The following SULT1B1 variants were observed in gnomAD, a reference collection of about 807,000 sequenced individuals.
The protein encoded by SULT1B1 is sulfotransferase family 1B member 1.
Under a neutral mutation model 34.6 loss-of-function variants are expected in SULT1B1, and 28 were observed. The ratio of observed to expected loss-of-function variants is 0.81; its 90% CI spans 0.60 to 1.11. The LOEUF is 1.11. SULT1B1 is among the 50% of genes least tolerant of loss of function. SULT1B1 has a pLI of 0.00. For missense variants in SULT1B1, 374 were observed against 352.2 expected (o/e 1.06, Z -0.50); for synonymous variants, 147 against 110.2 (o/e 1.33, Z -2.09).
At chr4:69,754,890 T>G (rs1719129488) in intron 2 of SULT1B1, 92 bp from the exon 3 acceptor site, 1 of 1,433,768 alleles carries the variant, frequency 7.0e-7, no homozygotes, top group South Asian at 1.3e-5. Flanking sequence ...CTTAACACAT[T>G]CTATTACAAA....
At chr4:69,745,762 T>C (rs1718725160) in intron 4 of SULT1B1, among the ~76,000 whole-genome samples, 1 of 152,200 alleles carries the variant, frequency 6.6e-6, no homozygotes, top group Admixed American at 6.5e-5. Flanking sequence ...TGCTGTCAGA[T>C]GGTTATTATG....
chr4:69,738,637 C>G (rs751152303), intron 4 of SULT1B1, among the ~76,000 whole-genome samples: 1 of 152,090 alleles, frequency 6.6e-6, no homozygotes, highest in Non-Finnish European at 1.5e-5. Context: ...CAGAGCTAAG[C>G]CATATCATTC....
chr4:69,740,418 T>C (rs1718499338), intron 4 of SULT1B1, among the ~76,000 whole-genome samples: 1 of 152,198 alleles, frequency 6.6e-6, no homozygotes, highest in Admixed American at 6.5e-5. Flanking sequence ...CAGGTACTTA[T>C]AAAACTATCA....
Position 69,723,866 on chromosome 4 carries a change from A to G in SULT1B1, c.*3222T>C, listed in dbSNP as rs1717726280. 6.6e-6 allele frequency: 1 copy of G among 152,270 alleles called. No individual in the cohort carries two copies. The highest frequency in any genetic ancestry group is 2.4e-5 in the African/African-American group (1 of 41,568). 9.4% of individuals were successfully genotyped at this position (152,270 alleles called of 1,614,324 possible). On this transcript the variant is annotated 3_prime_UTR_variant, in exon 8 of 8. Transcript: ENST00000310613. ...CTCTCAATAAATTAGGTATTGATGG[A>G]ATGTATCTCAAAATAAGGAGAGCCC...
At chr4:69,730,279 T>C (rs566865018) in intron 7 of SULT1B1, among the ~76,000 whole-genome samples, 9 of 152,238 alleles carry the variant, frequency 5.9e-5, no homozygotes, top group Non-Finnish European at 1.3e-4. Context: ...CAGTAGTAAA[T>C]AGAAGAATAA....
At chr4:69,748,185 A>C (rs560230409) in intron 4 of SULT1B1, among the ~76,000 whole-genome samples, 1 of 152,320 alleles carries the variant, frequency 6.6e-6, no homozygotes, top group South Asian at 2.1e-4. Context: ...AAAGGGTAGC[A>C]AAAAATATAT....
chr4:69,742,134 T>C (rs1358429894), intron 4 of SULT1B1, among the ~76,000 whole-genome samples: 3 of 152,210 alleles, frequency 2.0e-5, no homozygotes, highest in Non-Finnish European at 4.4e-5. Context: ...AATGATTTTG[T>C]GGTTTTTGTT....
At chr4:69,755,040 G>A (rs774541205) in intron 2 of SULT1B1, 30 bp downstream of exon 2, 2 of 1,572,204 alleles carry the variant, frequency 1.3e-6, no homozygotes, top group Non-Finnish European at 1.7e-6. Context: ...AATGAGGTCG[G>A]ACTTGAATTT....
In SULT1B1 at chr4:69,733,492, C is replaced by G; in HGVS notation, c.518G>C (p.Trp173Ser). 2.5e-6 allele frequency: 4 copies of G among 1,604,646 alleles called. No individual in the cohort carries two copies. Among genetic ancestry groups the G allele is most frequent in the Non-Finnish European group, 2.5e-6 (3 of 1,176,500 alleles). The part of the protein sequence containing the change: ...FLTGKVAYGS[W>S]FTHVKNWWKK... The stretch of plus-strand genomic sequence containing the variant: ...CCACCAGTTTTTAACATGAGTAAAC[C>G]AGGAACCATAGGCCACTAAAACCAG... The change falls in exon 6 of 8, where the codon TGG becomes TCG. Residue 173 changes from tryptophan (W) to serine (S), a missense_variant. Physicochemically the swap from Trp to Ser is radical, Grantham distance 177 (BLOSUM62 -3). Coordinates refer to ENST00000310613, the MANE Select transcript of SULT1B1 (RefSeq NM_014465.4).
chr4:69,753,705 T>C (rs1309362296), intron 3 of SULT1B1, among the ~76,000 whole-genome samples: 2 of 152,234 alleles, frequency 1.3e-5, no homozygotes, highest in Non-Finnish European at 2.9e-5. Context: ...AAATTAAGTT[T>C]AGACTAAAGC....
In SULT1B1 at chr4:69,760,314, G is replaced by T. The variant is rs183544886; in HGVS notation, c.-45+145C>A. 2.9e-3 allele frequency: 1,752 copies of T among 598,448 alleles called. 2 individuals are homozygous for T. The highest frequency in any genetic ancestry group is 3.4e-3 in the Non-Finnish European group (1,605 of 476,774). The allele number at this position is 598,448 out of a possible 1,614,324, so 37.1% of individuals were successfully genotyped here. A position where few individuals can be genotyped will look rare whatever the true frequency, so the allele number is the denominator to read the frequency against. On this transcript the variant is annotated intron_variant, in intron 1 of 7. Coordinates refer to ENST00000310613, the MANE Select transcript of SULT1B1 (RefSeq NM_014465.4). ...AGAGATTTTAGACAGCATAAACAAT[G>T]AAAGTTTCCTATAAGAAAATTGGAA... is the stretch of plus-strand genomic sequence containing the variant.
At chr4:69,758,609 C>T (rs556149071) in intron 1 of SULT1B1, 14 of 349,734 alleles carry the variant, frequency 4.0e-5, no homozygotes, top group Non-Finnish European at 4.8e-5. Flanking sequence ...AGCAGTATAA[C>T]TTTACTTACC....
At chr4:69,753,077 A>G (rs1458860469) in intron 3 of SULT1B1, among the ~76,000 whole-genome samples, 1 of 152,164 alleles carries the variant, frequency 6.6e-6, no homozygotes, top group Non-Finnish European at 1.5e-5. Context: ...TATGCTGAGC[A>G]TTGCCTAATG....
intron 1 of SULT1B1, among the ~76,000 whole-genome samples, chr4:69,757,638 A>AT (rs1249337369): frequency 5.3e-5 from 8 of 152,092 alleles, no homozygotes; most frequent in Non-Finnish European, 8.8e-5. Context: ...ATATTTTTTC[A>AT]TTTTATATTG....
chr4:69,743,274 G>A (rs978638582), intron 4 of SULT1B1, among the ~76,000 whole-genome samples: 1 of 152,166 alleles, frequency 6.6e-6, no homozygotes, highest in African/African-American at 2.4e-5. Flanking sequence ...ATGGTAGTCA[G>A]GGTTTCTGGA....
At chr4:69,747,109 A>G (rs1236350652) in intron 4 of SULT1B1, among the ~76,000 whole-genome samples, 2 of 152,174 alleles carry the variant, frequency 1.3e-5, no homozygotes, top group Non-Finnish European at 2.9e-5. Context: ...TGGCAACAAC[A>G]TTCCAATCAG....
At chr4:69,737,119 T>A (rs1440601101) in intron 4 of SULT1B1, among the ~76,000 whole-genome samples, 3 of 151,910 alleles carry the variant, frequency 2.0e-5, no homozygotes, top group African/African-American at 7.2e-5. Flanking sequence ...ATACAGCACA[T>A]TGCATAATAA....
At chr4:69,758,699 A>G (rs528035672) in intron 1 of SULT1B1, among the ~76,000 whole-genome samples, 1 of 152,308 alleles carries the variant, frequency 6.6e-6, no homozygotes, top group South Asian at 2.1e-4. Context: ...TGTCTGCTAA[A>G]ATTATATAGA....
intron 3 of SULT1B1, among the ~76,000 whole-genome samples, chr4:69,751,971 T>C (rs1718999741): frequency 2.6e-5 from 4 of 152,236 alleles, no homozygotes; most frequent in Admixed American, 2.6e-4. Flanking sequence ...TCATTTTGGT[T>C]CCTTGCCCCA....
Sources: allele counts gnomAD v4.1 joint callset (sites outside exome capture counted in the v4.1 genomes callset), GRCh38; gene constraint gnomAD v4.1.1; transcripts MANE v1.5; gene names NCBI Gene and HGNC (gene_info 2026-07-23, HGNC 2026-07-21).